The following TOX3 variants were observed in gnomAD, a reference collection of about 807,000 sequenced individuals.
TOX3 encodes the protein TOX high mobility group box family member 3.
In TOX3, 22 loss-of-function variants were observed where a neutral mutation model predicts 64.3. The observed-to-expected ratio is 0.34, with a 90% CI of 0.24 to 0.49. The LOEUF is 0.49. Among genes scored for constraint, TOX3 ranks in the 20% least tolerant of loss-of-function variants. The probability of loss-of-function intolerance (pLI) is 0.99; values close to 1 mark genes in which losing one functional copy is unlikely to be tolerated. For synonymous variants in TOX3, 291 were observed against 273.6 expected, an observed-to-expected ratio of 1.06 and a Z score of -0.63; for missense variants, 661 against 714.4, an observed-to-expected ratio of 0.93 and a Z score of 0.85.
chr16:52,453,736 C>G (rs1307096225), intron 3 of TOX3, among the ~76,000 whole-genome samples: 1 of 152,142 alleles, frequency 6.6e-6, no homozygotes, highest in African/African-American at 2.4e-5. Context: ...TGACTCACCC[C>G]ACACCTAGAG....
rs1961721045 is a variant in TOX3, at chr16:52,492,564, A to ATATATATATAT, written c.88-23991_88-23990insATATATATATA. ...CACAACACTATATTAGTTGTATATA[A>ATATATATATAT]ATATATATATATATATATATATATA... On this transcript the variant is annotated intron_variant, in intron 1 of 6. Coordinates refer to ENST00000219746, the MANE Select transcript of TOX3 (RefSeq NM_001080430.4). Among the ~76,000 whole-genome samples the ATATATATATAT allele has an allele frequency of 9.9e-5, 9 of 90,678 alleles. 1 individual carries two copies. The highest frequency in any genetic ancestry group is 3.3e-4 in the East Asian group (1 of 3,042). The allele number at this position is 90,678 out of a possible 152,430, so 59.5% of individuals were successfully genotyped here.
chr16:52,507,406 C>T (rs1025605013), intron 1 of TOX3, among the ~76,000 whole-genome samples: 2 of 152,090 alleles, frequency 1.3e-5, no homozygotes, highest in African/African-American at 4.8e-5. Context: ...TCCACACACA[C>T]AAAAACATCT....
At chr16:52,445,769 C>A in intron 5 of TOX3, 2 of 475,146 alleles carry the variant, frequency 4.2e-6, no homozygotes. Context: ...TTCCAACCTT[C>A]CTCTGAATGG....
intron 1 of TOX3, among the ~76,000 whole-genome samples, chr16:52,504,727 G>GGCAAT (rs1962112069): frequency 6.6e-6 from 1 of 152,152 alleles, no homozygotes; most frequent in South Asian, 2.1e-4. Context: ...GGCAAGGCAA[G>GGCAAT]GCAAGGCAAG....
intron 4 of TOX3, among the ~76,000 whole-genome samples, chr16:52,447,239 T>A (rs1960189678): frequency 6.6e-6 from 1 of 152,212 alleles, no homozygotes; most frequent in African/African-American, 2.4e-5. Flanking sequence ...GCAGTTAACT[T>A]CATCAAGAAT....
At position 52,464,188 on chromosome 16, in the gene TOX3, G is replaced by C; in HGVS notation, c.154C>G (p.Gln52Glu). The C allele has an allele frequency of 2.7e-6, 4 of 1,503,958 alleles. No individual in the cohort carries two copies. The highest frequency in any genetic ancestry group is 2.7e-6 in the Non-Finnish European group (3 of 1,123,986). The allele number at this position is 1,503,958 out of a possible 1,614,324, so 93.2% of individuals were successfully genotyped here. ...CCAAGGCTTGGTGTGTGGAATGTCT[G>C]CTAAAAGGAAACAAAATACAGGTAT... Reference protein sequence around the residue: ...ANNAFFAASEQTFHTPSLGDE... With the variant: ...ANNAFFAASEETFHTPSLGDE... The change falls in exon 3 of 7, where the codon CAG becomes GAG. Residue 52 changes from glutamine (Q) to glutamate (E), a missense_variant and splice_region_variant. This residue lies in a region of TOX3 where 259 missense variants were observed against 261.2 expected (regional missense o/e 0.99). Coordinates refer to ENST00000219746, the MANE Select transcript of TOX3 (RefSeq NM_001080430.4).
chr16:52,534,352 G>T (rs541038167), intron 1 of TOX3, among the ~76,000 whole-genome samples: 1 of 152,232 alleles, frequency 6.6e-6, no homozygotes, highest in Non-Finnish European at 1.5e-5. Context: ...CAAAGTCAAA[G>T]GTTGGCTAGG....
rs558310717 is a variant in TOX3 at position 52,479,309 on chromosome 16, A to G, written c.88-10735T>C. 2.0e-5 allele frequency among the ~76,000 whole-genome samples: 3 copies of G among 152,342 alleles called. No homozygotes were observed. In the East Asian group the frequency reaches 5.8e-4, roughly 29 times the overall value. On this transcript the variant is annotated intron_variant, in intron 1 of 6. Transcript: ENST00000219746. ...GAAGATGTATGCATTCTAGGCAGGA[A>G]GGACAGAGACAAGGCTGATATAGGA...
At chr16:52,519,415 G>A in intron 1 of TOX3, 2 of 1,551,434 alleles carry the variant, frequency 1.3e-6, no homozygotes, top group Non-Finnish European at 1.7e-6. Flanking sequence ...CTTTCAGATA[G>A]GTAGTTATCA....
intron 2 of TOX3, 28 bp from the exon 3 acceptor site, chr16:52,464,216 T>G: frequency 6.8e-7 from 1 of 1,462,818 alleles, no homozygotes; most frequent in Non-Finnish European, 9.1e-7. Context: ...ACAGGTATCT[T>G]CATATTCTGT....
chr16:52,473,699 T>C (rs991989320), intron 1 of TOX3, among the ~76,000 whole-genome samples: 1 of 152,184 alleles, frequency 6.6e-6, no homozygotes, highest in African/African-American at 2.4e-5. Context: ...TGATGATGAA[T>C]ACTGATGATT....
chr16:52,513,006 T>G (rs183148417), intron 1 of TOX3, among the ~76,000 whole-genome samples: 1 of 152,240 alleles, frequency 6.6e-6, no homozygotes, highest in East Asian at 1.9e-4. Context: ...CCAAAATACA[T>G]GTAAGTACAT....
At chr16:52,457,703 A>G (rs1463060984) in intron 3 of TOX3, among the ~76,000 whole-genome samples, 1 of 152,226 alleles carries the variant, frequency 6.6e-6, no homozygotes, top group African/African-American at 2.4e-5. Flanking sequence ...CAAATTAACA[A>G]CGATCAAATA....
intron 1 of TOX3, among the ~76,000 whole-genome samples, chr16:52,481,358 T>G (rs1961364308): frequency 6.6e-6 from 1 of 151,980 alleles, no homozygotes; most frequent in South Asian, 2.1e-4. Flanking sequence ...GAAACAGAAA[T>G]AGTTTAACGT....
chr16:52,485,942 T>C (rs1490125191), intron 1 of TOX3, among the ~76,000 whole-genome samples: 1 of 152,192 alleles, frequency 6.6e-6, no homozygotes, highest in Non-Finnish European at 1.5e-5. Flanking sequence ...TATGTGGCAA[T>C]GCCATTCATC....
Position 52,436,850 on chromosome 16 carries a change from G to A in TOX3, c.*2375C>T, listed in dbSNP as rs1258634713. Reference sequence around the variant, plus strand: ...TATCACTAGTGACATTTTTTTCCAAGCAATACTTCATGGGTTTTCAAAATG... The same window carrying A: ...TATCACTAGTGACATTTTTTTCCAAACAATACTTCATGGGTTTTCAAAATG... On this transcript the variant is annotated 3_prime_UTR_variant, in exon 7 of 7. Coordinates refer to ENST00000219746, the MANE Select transcript of TOX3 (RefSeq NM_001080430.4). 6.6e-6 allele frequency: 1 copy of A among 152,076 alleles called. No individual in the cohort carries two copies. Among genetic ancestry groups the A allele is most frequent in the Non-Finnish European group, 1.5e-5 (1 of 68,008 alleles). 9.4% of individuals were successfully genotyped at this position (152,076 alleles called of 1,614,324 possible). A position where few individuals can be genotyped will look rare whatever the true frequency, so the allele number is the denominator to read the frequency against.
At chr16:52,485,155 A>G (rs200857507) in intron 1 of TOX3, among the ~76,000 whole-genome samples, 31 of 133,574 alleles carry the variant, frequency 2.3e-4, no homozygotes, top group South Asian at 1.1e-3. Flanking sequence ...ATGTGTGTGT[A>G]TATATACATG....
Position 52,464,095 on chromosome 16 carries a change from C to A in TOX3, c.247G>T (p.Asp83Tyr). The stretch of plus-strand genomic sequence containing the variant: ...AGGGCTTGAAAGGGTAGCAGTACAT[C>A]CGGCATGCCTAGGGCAGGGTCTGAC... ...PESDPALGMPDVLLPFQALSD... is the reference protein window; with the variant it reads ...PESDPALGMPYVLLPFQALSD... Residue 83 changes from aspartate to tyrosine, a missense_variant, in exon 3 of 7, where the codon GAT becomes TAT. By Grantham distance (160) the Asp-to-Tyr change is radical (BLOSUM62 -3). Transcript: ENST00000219746. 1.2e-6 allele frequency: 2 copies of A among 1,602,686 alleles called. No homozygotes were observed. Among genetic ancestry groups the A allele is most frequent in the Non-Finnish European group, 1.7e-6 (2 of 1,174,824 alleles).
chr16:52,473,385 C>T (rs1021990163), intron 1 of TOX3, among the ~76,000 whole-genome samples: 6 of 151,992 alleles, frequency 3.9e-5, no homozygotes, highest in Non-Finnish European at 7.4e-5. Context: ...GATAATCCTT[C>T]GAATTCTCTT....
Sources: gnomAD v4.1 joint callset for allele counts (sites outside exome capture counted in the v4.1 genomes callset) on GRCh38, gnomAD v4.1.1 for gene constraint, gnomAD v4.1.1 regional missense constraint, MANE v1.5 for transcripts, NCBI Gene and HGNC (gene_info 2026-07-23, HGNC 2026-07-21) for gene names.